NAV3: variants seen among roughly 807,000 people sequenced by gnomAD.
The protein encoded by NAV3 is pore membrane and/or filament interacting like protein 1.
In NAV3, 87 loss-of-function variants were observed where a neutral mutation model predicts 244.7. The observed-to-expected ratio is 0.36, with a 90% CI of 0.30 to 0.42. The LOEUF (loss-of-function observed/expected upper bound fraction) is 0.42, where lower values mean the gene tolerates loss of function less well. NAV3 is among the 20% of genes least tolerant of loss of function. The probability of loss-of-function intolerance (pLI) is 1.00; values close to 1 mark genes in which losing one functional copy is unlikely to be tolerated. For missense variants in NAV3, 2,663 were observed against 2,893.3 expected (o/e 0.92, Z 1.83); for synonymous variants, 1,126 against 1,042.2 (o/e 1.08, Z -1.55).
chr12:77,979,571 T>C (rs1017598271), intron 5 of NAV3, among the ~76,000 whole-genome samples: 1 of 152,006 alleles, frequency 6.6e-6, no homozygotes, highest in African/African-American at 2.4e-5. Flanking sequence ...TATGAGACTT[T>C]AACCATTAGT....
intron 30 of NAV3, among the ~76,000 whole-genome samples, chr12:78,185,208 A>G (rs1288334712): frequency 6.6e-6 from 1 of 151,856 alleles, no homozygotes; most frequent in African/African-American, 2.4e-5. Flanking sequence ...TATAAATTAC[A>G]TGGATATTGA....
At chr12:78,179,729 A>T (rs769605848) in intron 29 of NAV3, 47 bp downstream of exon 29, 2 of 1,568,950 alleles carry the variant, frequency 1.3e-6, no homozygotes, top group Admixed American at 1.9e-5. Context: ...AAACAAAAAA[A>T]TGCTGCTTAT....
At chr12:77,811,262 G>T (rs1872272996) in intron 2 of NAV3, among the ~76,000 whole-genome samples, 1 of 152,070 alleles carries the variant, frequency 6.6e-6, no homozygotes, top group Admixed American at 6.6e-5. Flanking sequence ...TCACTTAAGA[G>T]CATGATAATT....
At chr12:78,105,397 G>T (rs1954752203) in intron 12 of NAV3, among the ~76,000 whole-genome samples, 1 of 152,000 alleles carries the variant, frequency 6.6e-6, no homozygotes, top group South Asian at 2.1e-4. Flanking sequence ...GTTCCTGTGA[G>T]AATTAACTGA....
intron 8 of NAV3, among the ~76,000 whole-genome samples, chr12:78,013,557 T>C (rs1483604897): frequency 6.6e-6 from 1 of 152,104 alleles, no homozygotes; most frequent in Non-Finnish European, 1.5e-5. Context: ...CTCTTGAACA[T>C]TGAAGATTGA....
At chr12:78,144,184 A>G (rs1229899024) in intron 20 of NAV3, among the ~76,000 whole-genome samples, 1 of 152,172 alleles carries the variant, frequency 6.6e-6, no homozygotes, top group Non-Finnish European at 1.5e-5. Flanking sequence ...TTTTCATGAG[A>G]GCAAGTGTCA....
chr12:78,102,648 C>G (rs1180060151), intron 12 of NAV3, among the ~76,000 whole-genome samples: 1 of 152,212 alleles, frequency 6.6e-6, no homozygotes, highest in African/African-American at 2.4e-5. Context: ...GGGCCGTGCC[C>G]CTGCAGAAAA....
chr12:77,654,119 A>G (rs1872955267), intron 2 of NAV3, among the ~76,000 whole-genome samples: 1 of 152,128 alleles, frequency 6.6e-6, no homozygotes, highest in African/African-American at 2.4e-5. Flanking sequence ...CAGTGGGTGC[A>G]CGCACCGTGC....
chr12:77,969,779 G>A (rs576273447), intron 5 of NAV3, among the ~76,000 whole-genome samples: 226 of 152,270 alleles, frequency 1.5e-3, no homozygotes, highest in Non-Finnish European at 2.6e-3. Flanking sequence ...GGGAGGCAGA[G>A]GTTGCGGTGA....
chr12:78,095,021 C>G (rs1233220237), intron 12 of NAV3, among the ~76,000 whole-genome samples: 1 of 147,254 alleles, frequency 6.8e-6, no homozygotes, highest in East Asian at 2.0e-4. Flanking sequence ...CACTCCAGCC[C>G]GGTGACAGAG....
intron 1 of NAV3, among the ~76,000 whole-genome samples, chr12:77,927,984 G>C (rs1888383699): frequency 1.3e-5 from 2 of 151,960 alleles, no homozygotes; most frequent in Admixed American, 1.3e-4. Context: ...ACTTTGGGAG[G>C]CTGAGGTGAG....
At chr12:77,903,154 A>C (rs1471463364) in intron 1 of NAV3, among the ~76,000 whole-genome samples, 1 of 152,210 alleles carries the variant, frequency 6.6e-6, no homozygotes, top group African/African-American at 2.4e-5. Context: ...TTTAAAGTTC[A>C]TATGGAACCA....
chr12:77,721,753 T>C (rs1380283985), intron 2 of NAV3, among the ~76,000 whole-genome samples: 1 of 152,168 alleles, frequency 6.6e-6, no homozygotes, highest in Admixed American at 6.6e-5. Flanking sequence ...TATGGGAATG[T>C]AGCAATTTAC....
intron 2 of NAV3, among the ~76,000 whole-genome samples, chr12:77,824,934 C>A (rs1872912722): frequency 6.6e-6 from 1 of 151,780 alleles, no homozygotes; most frequent in South Asian, 2.1e-4. Context: ...CAAAGAAAAT[C>A]AAATAGCTAA....
rs761360174 is a variant in NAV3 at position 78,118,284 on chromosome 12, A to T, written c.3027A>T (p.Ala1009=). 6.2e-7 allele frequency: 1 copy of T among 1,604,926 alleles called. No homozygotes were observed. Among genetic ancestry groups the T allele is most frequent in the East Asian group, 2.2e-5 (1 of 44,632 alleles). ...APSRQKAGTS[A]LKTPGKTDDA... is the part of the protein sequence containing the mutation. ...CTAGGCAGAAAGCTGGAACAAGTGC[A>T]CTCAAAACACCCGGTAGGCTTGTCG... The change falls in exon 14 of 40, where the codon GCA becomes GCT. Residue 1009 remains alanine, a synonymous_variant. Transcript: ENST00000397909.
At position 77,966,250 on chromosome 12, in the gene NAV3, C is replaced by G; in HGVS notation, c.436C>G (p.Leu146Val). 1.2e-6 allele frequency: 2 copies of G among 1,613,508 alleles called. No individual in the cohort carries two copies. The highest frequency in any genetic ancestry group is 1.7e-6 in the Non-Finnish European group (2 of 1,179,762). The change falls in exon 4 of 40, where the codon CTT (leucine) becomes GTT (valine). Residue 146 changes from leucine (L) to valine (V), a missense_variant. Transcript: ENST00000397909. ...SQMIENVDVC[L>V]SFLAARGVNV... The stretch of plus-strand genomic sequence containing the variant: ...GCAGATTGAAAATGTTGATGTCTGC[C>G]TTAGTTTTCTAGCAGCCAGAGGGGT...
chr12:77,802,590 T>C (rs948120831), intron 2 of NAV3, among the ~76,000 whole-genome samples: 93 of 152,222 alleles, frequency 6.1e-4, no homozygotes, highest in Non-Finnish European at 2.2e-4. Flanking sequence ...TCTAGAGTAA[T>C]GTAAGCCTGT....
intron 9 of NAV3, among the ~76,000 whole-genome samples, chr12:78,028,622 C>A (rs1878467211): frequency 6.6e-6 from 1 of 152,150 alleles, no homozygotes; most frequent in African/African-American, 2.4e-5. Flanking sequence ...TGCATCCCTG[C>A]TGTTTTCAGG....
chr12:77,757,732 T>C (rs1361216259), intron 2 of NAV3, among the ~76,000 whole-genome samples: 3 of 152,226 alleles, frequency 2.0e-5, no homozygotes, highest in African/African-American at 7.2e-5. Flanking sequence ...ATTAGCTATG[T>C]GATCTTGGTC....
Sources: gnomAD v4.1 joint callset for allele counts (sites outside exome capture counted in the v4.1 genomes callset) on GRCh38, gnomAD v4.1.1 for gene constraint, MANE v1.5 for transcripts, NCBI Gene and HGNC (gene_info 2026-07-23, HGNC 2026-07-21) for gene names.